Variants in HS3ST4 observed in about 807,000 individuals in gnomAD.
HS3ST4 encodes heparan sulfate-glucosamine 3-sulfotransferase 4, also known as heparan sulfate glucosamine 3-O-sulfotransferase 4.
HS3ST4 carries 17 observed loss-of-function variants against 29.2 expected under a neutral mutation model. The ratio of observed to expected loss-of-function variants is 0.58; its 90% CI spans 0.40 to 0.87. The LOEUF is 0.87. HS3ST4 is among the 40% of genes least tolerant of loss of function. The pLI is 0.00. For missense variants in HS3ST4, 627 were observed against 634.5 expected, an observed-to-expected ratio of 0.99 and a Z score of 0.13; for synonymous variants, 314 against 285.7, an observed-to-expected ratio of 1.10 and a Z score of -1.00.
At chr16:26,098,155 C>G (rs924146534) in intron 1 of HS3ST4, among the ~76,000 whole-genome samples, 3 of 152,146 alleles carry the variant, frequency 2.0e-5, no homozygotes, top group Admixed American at 6.5e-5. Flanking sequence ...ATTAGTTCAA[C>G]CATTGTGAAA....
chr16:25,802,927 ATGTGTG>A (rs71158967), intron 1 of HS3ST4, among the ~76,000 whole-genome samples: 48,232 of 101,526 alleles, frequency 0.48, 8,631 homozygotes, highest in South Asian at 0.64. Context: ...TAAGTTATAT[ATGTGTG>A]TGTGTGTGTG....
intron 1 of HS3ST4, among the ~76,000 whole-genome samples, chr16:25,870,034 G>A (rs1488099882): frequency 4.6e-5 from 7 of 152,208 alleles, no homozygotes; most frequent in South Asian, 4.1e-4. Flanking sequence ...ATAGGACACC[G>A]AACCTTCTGT....
intron 1 of HS3ST4, among the ~76,000 whole-genome samples, chr16:25,816,190 T>G (rs1967091171): frequency 1.3e-5 from 2 of 152,188 alleles, no homozygotes; most frequent in South Asian, 2.1e-4. Context: ...CAGGGCATGG[T>G]GCCTTCCTAG....
In HS3ST4 at chr16:25,788,540, C is replaced by CTTTTTTTT. The variant is rs34729954; in HGVS notation, c.734+95392_734+95393insTTTTTTTT. Among the ~76,000 whole-genome samples the CTTTTTTTT allele has an allele frequency of 2.8e-4, 28 of 99,064 alleles. 2 individuals are homozygous for CTTTTTTTT. The highest frequency in any genetic ancestry group is 3.2e-4 in the Non-Finnish European group (17 of 52,388). The allele number at this position is 99,064 out of a possible 152,430, so 65.0% of individuals were successfully genotyped here. A position where few individuals can be genotyped will look rare whatever the true frequency, so the allele number is the denominator to read the frequency against. ...TTCCTACATTTTTTTTTCTTTTCTT[C>CTTTTTTTT]TTTCTTTTTTTTTTTTTTTTGACAG... is the stretch of plus-strand genomic sequence containing the variant. On this transcript the variant is annotated intron_variant, in intron 1 of 1. Transcript: ENST00000331351.
intron 1 of HS3ST4, among the ~76,000 whole-genome samples, chr16:25,940,793 A>G (rs1281931271): frequency 3.3e-5 from 5 of 152,236 alleles, no homozygotes; most frequent in Non-Finnish European, 5.9e-5. Flanking sequence ...GAGTGAACAT[A>G]AAACTCCTAA....
chr16:25,930,904 A>G (rs1968455854), intron 1 of HS3ST4, among the ~76,000 whole-genome samples: 1 of 151,264 alleles, frequency 6.6e-6, no homozygotes, highest in Non-Finnish European at 1.5e-5. Context: ...CTGAAAAAAC[A>G]AAAACAAAAA....
At chr16:25,918,196 T>C (rs1968311898) in intron 1 of HS3ST4, among the ~76,000 whole-genome samples, 3 of 152,220 alleles carry the variant, frequency 2.0e-5, no homozygotes, top group Admixed American at 2.0e-4. Flanking sequence ...AAAACTGTAA[T>C]AAAACAGTAT....
At chr16:25,911,163 A>T (rs895224648) in intron 1 of HS3ST4, among the ~76,000 whole-genome samples, 1 of 152,158 alleles carries the variant, frequency 6.6e-6, no homozygotes, top group Admixed American at 6.5e-5. Flanking sequence ...GGCCGAGTCA[A>T]CCAGATAAGT....
intron 1 of HS3ST4, among the ~76,000 whole-genome samples, chr16:25,936,356 G>A (rs1229620311): frequency 6.6e-6 from 1 of 152,152 alleles, no homozygotes; most frequent in Non-Finnish European, 1.5e-5. Context: ...GAGACATGAT[G>A]AAATCAGGAT....
At chr16:26,097,248 G>A (rs1898936587) in intron 1 of HS3ST4, among the ~76,000 whole-genome samples, 1 of 105,014 alleles carries the variant, frequency 9.5e-6, no homozygotes. Context: ...AAGTTCATAT[G>A]GAACCAAAAA....
chr16:25,820,981 C>T (rs80246721), intron 1 of HS3ST4, among the ~76,000 whole-genome samples: 3,645 of 151,834 alleles, frequency 0.024, 110 homozygotes, highest in East Asian at 0.1. Context: ...TTTGCTATAG[C>T]TTTTTTGATG....
intron 1 of HS3ST4, among the ~76,000 whole-genome samples, chr16:25,876,832 C>T (rs1967838238): frequency 6.6e-6 from 1 of 152,088 alleles, no homozygotes; most frequent in Non-Finnish European, 1.5e-5. Context: ...ATCTCCTCTC[C>T]AAGCTGAGCT....
chr16:26,079,180 C>A (rs2141781473), intron 1 of HS3ST4, among the ~76,000 whole-genome samples: 1 of 152,298 alleles, frequency 6.6e-6, no homozygotes, highest in Non-Finnish European at 1.5e-5. Context: ...TGAGCAGGCG[C>A]CTGGGATGCC....
At chr16:26,092,751 G>A (rs1244104233) in intron 1 of HS3ST4, among the ~76,000 whole-genome samples, 1 of 152,130 alleles carries the variant, frequency 6.6e-6, no homozygotes, top group African/African-American at 2.4e-5. Context: ...GACAGTAGGT[G>A]CAGCCCACGG....
intron 1 of HS3ST4, among the ~76,000 whole-genome samples, chr16:25,771,790 A>G (rs138433534): frequency 1.2e-3 from 176 of 152,286 alleles, no homozygotes; most frequent in African/African-American, 4.1e-3. Flanking sequence ...GGCTTAATAA[A>G]TATTTGTTGA....
At chr16:25,801,911 G>T (rs536857026) in intron 1 of HS3ST4, among the ~76,000 whole-genome samples, 1 of 149,264 alleles carries the variant, frequency 6.7e-6, no homozygotes, top group Non-Finnish European at 1.5e-5. Flanking sequence ...TCTCCTCTTG[G>T]ATTTTATACT....
intron 1 of HS3ST4, among the ~76,000 whole-genome samples, chr16:26,076,493 C>A (rs1315429337): frequency 6.6e-6 from 1 of 152,132 alleles, no homozygotes; most frequent in Non-Finnish European, 1.5e-5. Context: ...ACTACCCCAG[C>A]CAATGAGCAT....
intron 1 of HS3ST4, among the ~76,000 whole-genome samples, chr16:25,741,325 C>G (rs534320625): frequency 1.9e-3 from 243 of 129,776 alleles, no homozygotes; most frequent in African/African-American, 6.9e-3. Context: ...ATTTTAAGTA[C>G]CAGCACTGCA....
intron 1 of HS3ST4, among the ~76,000 whole-genome samples, chr16:25,995,914 A>T (rs955308863): frequency 5.9e-5 from 9 of 151,610 alleles, no homozygotes; most frequent in African/African-American, 2.2e-4. Context: ...TTTCCTCCAA[A>T]CTCTACCAGG....
Sources: allele counts gnomAD v4.1 joint callset (sites outside exome capture counted in the v4.1 genomes callset), GRCh38; gene constraint gnomAD v4.1.1; transcripts MANE v1.5; gene names NCBI Gene and HGNC (gene_info 2026-07-23, HGNC 2026-07-21).